KDM1B: variants seen among roughly 807,000 people sequenced by gnomAD.
KDM1B encodes lysine-specific histone demethylase 2.
KDM1B carries 63 observed loss-of-function variants against 107.4 expected under a neutral mutation model. The observed-to-expected ratio is 0.59, with a 90% CI of 0.48 to 0.72. The LOEUF (loss-of-function observed/expected upper bound fraction) is 0.72. KDM1B is among the 30% of genes least tolerant of loss of function. The pLI, the probability that KDM1B is intolerant of heterozygous loss-of-function variation, is 0.00. For synonymous variants in KDM1B, 363 were observed against 363.9 expected, an observed-to-expected ratio of 1.00 and a Z score of 0.03; for missense variants, 749 against 1,020.8, an observed-to-expected ratio of 0.73 and a Z score of 3.63.
Position 18,171,310 on chromosome 6 carries a change from G to T in KDM1B, c.418-53G>T. The T allele has an allele frequency of 3.3e-6, 3 of 895,926 alleles. No homozygotes were observed. The South Asian group carries it at 3.9e-5, about 12-fold the overall frequency. The allele number at this position is 895,926 out of a possible 1,614,324, so 55.5% of individuals were successfully genotyped here. ...TGACCAAGTGGTGGAGGATAGAAAT[G>T]GTAACTGAAGATTAGCTCACTTGTT... On this transcript the variant is annotated intron_variant, in intron 6 of 21. Coordinates refer to ENST00000650836, the MANE Select transcript of KDM1B (RefSeq NM_001364614.2).
At chr6:18,173,743 G>C (rs530131944) in intron 7 of KDM1B, among the ~76,000 whole-genome samples, 30 of 152,174 alleles carry the variant, frequency 2.0e-4, no homozygotes, top group African/African-American at 6.5e-4. Context: ...TTGCTAAAAA[G>C]ACTGTATTTT....
chr6:18,189,775 T>TA (rs1378908901), intron 9 of KDM1B, among the ~76,000 whole-genome samples: 1 of 152,184 alleles, frequency 6.6e-6, no homozygotes, highest in Non-Finnish European at 1.5e-5. Flanking sequence ...GTAACTCCAC[T>TA]ACTGACATAA....
chr6:18,210,337 CTTTTCTTTTTTTTTTTT>C (rs1788740844), intron 17 of KDM1B, among the ~76,000 whole-genome samples: 10 of 56,184 alleles, frequency 1.8e-4, no homozygotes, highest in Admixed American at 1.4e-3. Context: ...TTTTCTCTTT[CTTTTCTTTTTTTTTTTT>C]TTTTTTTTTT....
chr6:18,186,433 G>A lies in KDM1B; in HGVS notation c.573+623G>A, dbSNP rs1253170858. 6.6e-6 allele frequency among the ~76,000 whole-genome samples: 1 copy of A among 152,130 alleles called. No individual in the cohort carries two copies. The highest frequency in any genetic ancestry group is 2.4e-5 in the African/African-American group (1 of 41,418). ...GGGTTTCTTGAGTTTCTAGAATCCT[G>A]AGTCATTCTGATTTTCAGTGATTCA... is the stretch of plus-strand genomic sequence containing the variant. On this transcript the variant is annotated intron_variant, in intron 8 of 21. Coordinates refer to ENST00000650836, the MANE Select transcript of KDM1B (RefSeq NM_001364614.2). The surrounding 1 kb of genome is among the most constrained non-coding windows in gnomAD (Gnocchi z 5.6).
Position 18,201,276 on chromosome 6 carries a change from C to T in KDM1B, c.1360-210C>T, listed in dbSNP as rs891698557. Among the ~76,000 whole-genome samples, 8 of 152,202 alleles carry T rather than the reference C, an allele frequency of 5.3e-5. No individual in the cohort carries two copies. Among genetic ancestry groups the T allele is most frequent in the African/African-American group, 1.9e-4 (8 of 41,452 alleles). Reference sequence around the variant, plus strand: ...GTAGGAGCTGTTGCTGCCCCTCTCACATTCTCATCAAATAAAATCTTGTAG... The same window carrying T: ...GTAGGAGCTGTTGCTGCCCCTCTCATATTCTCATCAAATAAAATCTTGTAG... On this transcript the variant is annotated intron_variant, in intron 13 of 21. Transcript: ENST00000650836. This position sits in a 1 kb window ranked among gnomAD's most constrained non-coding sequence, Gnocchi z 4.3.
At chr6:18,208,621 ATATATATTTTTTTTTTTTTTTT>A (rs1331499722) in intron 17 of KDM1B, among the ~76,000 whole-genome samples, 2 of 37,850 alleles carry the variant, frequency 5.3e-5, no homozygotes, top group Non-Finnish European at 9.7e-5. Context: ...ATATATATAT[ATATATATTTTTTTTTTTTTTTT>A]TTTTTTTTTT....
chr6:18,186,517 A>G lies in KDM1B; in HGVS notation c.573+707A>G, dbSNP rs747123565. 4.8e-4 allele frequency among the ~76,000 whole-genome samples: 73 copies of G among 152,206 alleles called. No individual in the cohort carries two copies. Among genetic ancestry groups the G allele is most frequent in the Non-Finnish European group, 5.1e-4 (35 of 68,030 alleles). ...AACTACGATAGCTTTTCAGGCAAAG[A>G]CAGCATTGACTTTTAGCAAATCTAC... On this transcript the variant is annotated intron_variant, in intron 8 of 21. Transcript: ENST00000650836. The surrounding 1 kb of genome is among the most constrained non-coding windows in gnomAD (Gnocchi z 5.6).
rs537978672 is a variant in KDM1B at position 18,205,918 on chromosome 6, G to T, written c.1659+254G>T. On this transcript the variant is annotated intron_variant, in intron 15 of 21. Transcript: ENST00000650836. The surrounding 1 kb of genome is among the most constrained non-coding windows in gnomAD (Gnocchi z 5.7). Reference sequence around the variant, plus strand: ...GAGGCAGGGGAATCGCTTGAACCTGGGAGGCGGAAGTCGTAGTGAGCTGGG... The same window carrying T: ...GAGGCAGGGGAATCGCTTGAACCTGTGAGGCGGAAGTCGTAGTGAGCTGGG... Among the ~76,000 whole-genome samples, 1 of 152,218 alleles carries T rather than the reference G, an allele frequency of 6.6e-6. No homozygotes were observed. Among genetic ancestry groups the T allele is most frequent in the East Asian group, 1.9e-4 (1 of 5,172 alleles).
chr6:18,197,965 G>A lies in KDM1B; in HGVS notation c.1221+304G>A, dbSNP rs1256675560. ...TTTTGAGACAGAGTCTTGCTCTGTC[G>A]CCCAGGCTGGAGTGCAGCAGTGCGA... On this transcript the variant is annotated intron_variant, in intron 12 of 21. Transcript: ENST00000650836. The surrounding 1 kb of genome is among the most constrained non-coding windows in gnomAD (Gnocchi z 4.5). Among the ~76,000 whole-genome samples, 5 of 141,030 alleles carry A rather than the reference G, an allele frequency of 3.5e-5. No individual in the cohort carries two copies. The highest frequency in any genetic ancestry group is 2.2e-4 in the Admixed American group (3 of 13,412). 92.5% of individuals were successfully genotyped at this position (141,030 alleles called of 152,430 possible).
intron 6 of KDM1B, among the ~76,000 whole-genome samples, chr6:18,170,962 A>G (rs1785618359): frequency 6.6e-6 from 1 of 151,926 alleles, no homozygotes; most frequent in Non-Finnish European, 1.5e-5. Flanking sequence ...CTGGGACTAC[A>G]GGCGCCCGCC....
intron 7 of KDM1B, 124 bp downstream of exon 7, chr6:18,171,603 A>G (rs979770392): frequency 3.0e-6 from 2 of 665,588 alleles, no homozygotes; most frequent in East Asian, 5.4e-5. Context: ...CATGCATGTA[A>G]TAGAACCCCA....
rs918878570 is a variant in KDM1B at position 18,214,526 on chromosome 6, G to A, written c.2110-481G>A. On this transcript the variant is annotated intron_variant, in intron 19 of 21. Coordinates refer to ENST00000650836, the MANE Select transcript of KDM1B (RefSeq NM_001364614.2). This position sits in a 1 kb window ranked among gnomAD's most constrained non-coding sequence, Gnocchi z 4.4. ...TCCAGCAGGAAGCAATAGAGTGGAT[G>A]GATGAATAATGAGTGTTTGCGAGGA... Among the ~76,000 whole-genome samples, 1 of 152,218 alleles carries A rather than the reference G, an allele frequency of 6.6e-6. No homozygotes were observed. The highest frequency in any genetic ancestry group is 2.4e-5 in the African/African-American group (1 of 41,448).
intron 16 of KDM1B, 80 bp from the exon 17 acceptor site, chr6:18,208,052 C>G (rs1788508595): frequency 1.0e-6 from 1 of 1,004,952 alleles, no homozygotes; most frequent in African/African-American, 1.6e-5. Context: ...GATGTAAATT[C>G]ATGTAATATG....
chr6:18,166,853 C>CAA (rs770821976), intron 6 of KDM1B, among the ~76,000 whole-genome samples: 1 of 128,422 alleles, frequency 7.8e-6, no homozygotes, highest in Non-Finnish European at 1.7e-5. Context: ...GAGGCTGTCT[C>CAA]AAAAAAAAAA....
chr6:18,162,771 T>G lies in KDM1B; in HGVS notation c.216-64T>G, dbSNP rs1785048066. 2 of 962,110 alleles carry G rather than the reference T, an allele frequency of 2.1e-6. No individual in the cohort carries two copies. The highest frequency in any genetic ancestry group is 3.6e-5 in the Admixed American group (2 of 56,280). The allele number at this position is 962,110 out of a possible 1,614,324, so 59.6% of individuals were successfully genotyped here. On this transcript the variant is annotated intron_variant, in intron 4 of 21. Transcript: ENST00000650836. The surrounding 1 kb of genome is among the most constrained non-coding windows in gnomAD (Gnocchi z 4.1). ...CATAGATGGTGCTTGCAAGATGTTT[T>G]TTAAAAAATGGGAGGAGAAATGTTT...
intron 7 of KDM1B, among the ~76,000 whole-genome samples, 186 bp downstream of exon 7, chr6:18,171,665 G>A (rs760134008): frequency 6.6e-5 from 10 of 152,182 alleles, no homozygotes; most frequent in Non-Finnish European, 8.8e-5. Flanking sequence ...ATTATAAGCA[G>A]TTAAGACATA....
Position 18,222,022 on chromosome 6 carries a change from C to A in KDM1B, c.*30C>A, listed in dbSNP as rs754662598. ...TCGGTGGACCCAGCTTTCTTCTGTACCCCAGATGGGGAAATTTGAATCACA... is the reference window on the plus strand; with the variant it reads ...TCGGTGGACCCAGCTTTCTTCTGTAACCCAGATGGGGAAATTTGAATCACA... On this transcript the variant is annotated 3_prime_UTR_variant, in exon 22 of 22. Coordinates refer to ENST00000650836, the MANE Select transcript of KDM1B (RefSeq NM_001364614.2). 6.9e-6 allele frequency: 11 copies of A among 1,593,088 alleles called. No homozygotes were observed. The highest frequency in any genetic ancestry group is 2.2e-5 in the East Asian group (1 of 44,774).
intron 7 of KDM1B, among the ~76,000 whole-genome samples, chr6:18,173,431 A>G (rs1387912937): frequency 1.3e-5 from 2 of 151,708 alleles, no homozygotes; most frequent in African/African-American, 4.8e-5. Context: ...TATTTTGAAT[A>G]TTTTTTCCCC....
chr6:18,192,696 G>A (rs915302864), intron 10 of KDM1B, among the ~76,000 whole-genome samples: 2 of 150,916 alleles, frequency 1.3e-5, no homozygotes, highest in Non-Finnish European at 2.9e-5. Context: ...CTTGTGCCTA[G>A]GAGTTCAAGA....
Sources: gnomAD v4.1 joint callset for allele counts (sites outside exome capture counted in the v4.1 genomes callset) on GRCh38, gnomAD v4.1.1 for gene constraint, Gnocchi (gnomAD v3.1) non-coding constraint, MANE v1.5 for transcripts, NCBI Gene and HGNC (gene_info 2026-07-23, HGNC 2026-07-21) for gene names.